Variants in RHOT1 observed in about 807,000 individuals in gnomAD.
RHOT1 encodes mitochondrial Rho GTPase 1.
In RHOT1, 27 loss-of-function variants were observed where a neutral mutation model predicts 95.3. That is an observed-to-expected ratio of 0.28 (90% CI 0.21 to 0.39). The LOEUF is 0.39. Among genes scored for constraint, RHOT1 ranks in the 10% least tolerant of loss-of-function variants. The pLI, the probability that RHOT1 is intolerant of heterozygous loss-of-function variation, is 1.00. For synonymous variants in RHOT1, 227 were observed against 263.5 expected (o/e 0.86, Z 1.34); for missense variants, 578 against 786.7 (o/e 0.73, Z 3.17).
At chr17:32,173,710 T>TAAAA in intron 2 of RHOT1, 121 bp from the exon 3 acceptor site, 2 of 589,664 alleles carry the variant, frequency 3.4e-6, no homozygotes, top group Non-Finnish European at 5.7e-6. Context: ...GAGACTCCAT[T>TAAAA]AAAAAAAAAA....
At chr17:32,220,845 C>A (rs1050900356) in intron 19 of RHOT1, among the ~76,000 whole-genome samples, 3 of 151,006 alleles carry the variant, frequency 2.0e-5, no homozygotes, top group African/African-American at 7.3e-5. Flanking sequence ...AATACCTGAC[C>A]TTTTAATTTG....
In RHOT1 at chr17:32,208,261, C is replaced by G. The variant is rs199545262; in HGVS notation, c.1691C>G (p.Ala564Gly). Residue 564 changes from alanine to glycine, a missense_variant, in exon 18 of 20, where the codon GCC becomes GGC. By Grantham distance (60) the Ala-to-Gly change is moderately conservative. Around this residue, in one of 4 missense-constraint regions of RHOT1, gnomAD observed 296 missense variants for 338.5 expected, o/e 0.87. Transcript: ENST00000545287. ...GCCTTCACTTGCAATACTGCTGATG[C>G]CCCCAGTAAGGATATCTTTGTTAAA... is the stretch of plus-strand genomic sequence containing the variant. ...PQAFTCNTAD[A>G]PSKDIFVKLT... 215 of 1,613,914 alleles carry G rather than the reference C, an allele frequency of 1.3e-4. 1 individual carries two copies. Among genetic ancestry groups the G allele is most frequent in the Admixed American group, 2.5e-4 (15 of 59,988 alleles).
At position 32,206,890 on chromosome 17, in the gene RHOT1, T is replaced by C. The variant is rs916231190; in HGVS notation, c.1417-20T>C. The C allele has an allele frequency of 1.3e-6, 2 of 1,507,442 alleles. No homozygotes were observed. Among genetic ancestry groups the C allele is most frequent in the African/African-American group, 2.8e-5 (2 of 71,114 alleles). The allele number at this position is 1,507,442 out of a possible 1,614,324, so 93.4% of individuals were successfully genotyped here. A position where few individuals can be genotyped will look rare whatever the true frequency, so the allele number is the denominator to read the frequency against. On this transcript the variant is annotated intron_variant, in intron 16 of 19. Coordinates refer to ENST00000545287, the MANE Select transcript of RHOT1 (RefSeq NM_001033566.3). ...AATATTATGATACTTATATTTTTCATTATCTTTTTCTTTTACAAGTTGCAT... is the reference window on the plus strand; with the variant it reads ...AATATTATGATACTTATATTTTTCACTATCTTTTTCTTTTACAAGTTGCAT...
At chr17:32,210,754 G>A (rs1233820686) in intron 18 of RHOT1, among the ~76,000 whole-genome samples, 1 of 152,124 alleles carries the variant, frequency 6.6e-6, no homozygotes, top group Non-Finnish European at 1.5e-5. Context: ...TTTGGTGGGT[G>A]CTTATGGCTT....
At chr17:32,210,095 C>A (rs1297694812) in intron 18 of RHOT1, among the ~76,000 whole-genome samples, 1 of 151,994 alleles carries the variant, frequency 6.6e-6, no homozygotes, top group Admixed American at 6.6e-5. Flanking sequence ...CATCAGATCT[C>A]ATAAGCTAAG....
chr17:32,174,046 T>TA, intron 3 of RHOT1, 134 bp downstream of exon 3: 3 of 668,144 alleles, frequency 4.5e-6, no homozygotes, highest in East Asian at 2.7e-5. Context: ...TTACGATTCT[T>TA]ATCTCATTTA....
chr17:32,196,591 T>G (rs1490303144), intron 11 of RHOT1, among the ~76,000 whole-genome samples: 4 of 152,154 alleles, frequency 2.6e-5, no homozygotes, highest in African/African-American at 7.2e-5. Flanking sequence ...ACCAAACTAT[T>G]TGTTGTCCAC....
rs34530711 is a variant in RHOT1 at position 32,180,697 on chromosome 17, CAAAA to C, written c.330-2043_330-2040del. Reference sequence around the variant, plus strand: ...ATAAATGCTTATTTTTGTTTTAAGCCAAAAAAAAAAAAAAAAAAAAGAGGGCAGT... The same window carrying C: ...ATAAATGCTTATTTTTGTTTTAAGCCAAAAAAAAAAAAAAAAGAGGGCAGT... On this transcript the variant is annotated intron_variant, in intron 6 of 19. Transcript: ENST00000545287. 8.5e-3 allele frequency among the ~76,000 whole-genome samples: 659 copies of C among 77,716 alleles called. 6 individuals are homozygous for C. The highest frequency in any genetic ancestry group is 0.025 in the African/African-American group (607 of 24,696). The allele number at this position is 77,716 out of a possible 152,430, so 51.0% of individuals were successfully genotyped here. A position where few individuals can be genotyped will look rare whatever the true frequency, so the allele number is the denominator to read the frequency against.
intron 8 of RHOT1, among the ~76,000 whole-genome samples, chr17:32,191,232 A>G (rs1282684368): frequency 1.3e-5 from 2 of 152,198 alleles, no homozygotes; most frequent in South Asian, 2.1e-4. Context: ...TTAACTGTGT[A>G]TGTTTGGAAG....
At chr17:32,183,645 G>A (rs1200195095) in intron 8 of RHOT1, among the ~76,000 whole-genome samples, 2 of 152,114 alleles carry the variant, frequency 1.3e-5, no homozygotes, top group Admixed American at 6.6e-5. Context: ...TTTGACATAG[G>A]CACAATGTAA....
intron 1 of RHOT1, chr17:32,151,281 A>C (rs773539543): frequency 3.0e-6 from 2 of 672,898 alleles, no homozygotes; most frequent in Admixed American, 3.6e-5. Flanking sequence ...TGCCTTCTCC[A>C]TATTGCTGTA....
At chr17:32,189,788 A>G (rs1567698314) in intron 8 of RHOT1, among the ~76,000 whole-genome samples, 1 of 138,150 alleles carries the variant, frequency 7.2e-6, no homozygotes, top group African/African-American at 2.8e-5. Flanking sequence ...GGTGGAGTGC[A>G]ATGGCACGAT....
intron 1 of RHOT1, among the ~76,000 whole-genome samples, chr17:32,157,040 C>T (rs116660311): frequency 1.1e-3 from 164 of 152,356 alleles, no homozygotes; most frequent in African/African-American, 3.3e-3. Flanking sequence ...CAGCCCAATT[C>T]TGTGTAGTTC....
chr17:32,175,200 G>A, intron 3 of RHOT1, 119 bp from the exon 4 acceptor site: 1 of 834,064 alleles, frequency 1.2e-6, no homozygotes, highest in Non-Finnish European at 2.0e-6. Context: ...TTTCCCTTGT[G>A]TTTGCTACAC....
At chr17:32,207,257 G>C in intron 17 of RHOT1, 1 of 391,482 alleles carries the variant, frequency 2.6e-6, no homozygotes, top group Non-Finnish European at 4.5e-6. Flanking sequence ...GTGCATTCCT[G>C]ATTGAGAACT....
chr17:32,222,741 T>C (rs1366288802), intron 19 of RHOT1: 3 of 372,624 alleles, frequency 8.1e-6, no homozygotes, highest in Non-Finnish European at 1.1e-5. Flanking sequence ...CTGCAAACTG[T>C]GTGCATGTGT....
At chr17:32,185,101 T>C (rs1356053221) in intron 8 of RHOT1, among the ~76,000 whole-genome samples, 1 of 151,752 alleles carries the variant, frequency 6.6e-6, no homozygotes. Context: ...TCTTTTTCTT[T>C]TCTTTTTTCT....
chr17:32,206,192 C>CTTT lies in RHOT1; in HGVS notation c.1417-690_1417-688dup, dbSNP rs71144812. 4.0e-3 allele frequency among the ~76,000 whole-genome samples: 240 copies of CTTT among 60,538 alleles called. 23 individuals are homozygous for CTTT. The highest frequency in any genetic ancestry group is 8.3e-3 in the African/African-American group (108 of 13,002). 39.7% of individuals were successfully genotyped at this position (60,538 alleles called of 152,430 possible). ...TCACTAATACTAGCTTCCATAGAAT[C>CTTT]TTTTTTTTTTTTTTTTTTTTTTTTT... On this transcript the variant is annotated intron_variant, in intron 16 of 19. Transcript: ENST00000545287.
intron 17 of RHOT1, 139 bp from the exon 18 acceptor site, chr17:32,207,968 A>G (rs1317028440): frequency 1.9e-5 from 13 of 678,180 alleles, no homozygotes; most frequent in Middle Eastern, 4.0e-4. Context: ...ACCACTGCCA[A>G]TCTTTGCCTT....
Sources: allele counts gnomAD v4.1 joint callset (sites outside exome capture counted in the v4.1 genomes callset), GRCh38; gene constraint gnomAD v4.1.1; regional missense constraint gnomAD v4.1.1; transcripts MANE v1.5; gene names NCBI Gene and HGNC (gene_info 2026-07-23, HGNC 2026-07-21).